The following TPRN variants were observed in gnomAD, a reference collection of about 807,000 sequenced individuals.
The protein encoded by TPRN is chromosome 9 open reading frame 75.
A neutral mutation model predicts 42.6 loss-of-function variants in TPRN; 32 were observed. The observed-to-expected ratio is 0.75, with a 90% CI of 0.57 to 1.01. The LOEUF (loss-of-function observed/expected upper bound fraction) is 1.01, where lower values mean the gene tolerates loss of function less well. TPRN is among the 50% of genes least tolerant of loss of function. The pLI is 0.00. For synonymous variants in TPRN, 541 were observed against 445.6 expected, an observed-to-expected ratio of 1.21 and a Z score of -2.70; for missense variants, 1,095 against 957.5, an observed-to-expected ratio of 1.14 and a Z score of -1.90.
Position 137,200,125 on chromosome 9 carries a change from A to C in TPRN, c.587T>G (p.Phe196Cys). The C allele has an allele frequency of 8.1e-7, 1 of 1,235,932 alleles. No individual in the cohort carries two copies. Among genetic ancestry groups the C allele is most frequent in the Non-Finnish European group, 1.0e-6 (1 of 992,188 alleles). 76.6% of individuals were successfully genotyped at this position (1,235,932 alleles called of 1,614,324 possible). Residue 196 changes from phenylalanine (F) to cysteine (C), a missense_variant, in exon 1 of 4, where the codon TTC becomes TGC. Coordinates refer to ENST00000409012, the MANE Select transcript of TPRN (RefSeq NM_001128228.3). This position sits in a 1 kb window ranked among gnomAD's most constrained non-coding sequence, Gnocchi z 4.3. ...GGAGTTGCTGCCGGTCTTCTGGAGG[A>C]AGTCGCTGCGCCGGGCCCCGGGGCT... ...GASPGARRSD[F>C]LQKTGSNSFT...
chr9:137,192,056 C>T lies in TPRN; in HGVS notation c.*56G>A. On this transcript the variant is annotated 3_prime_UTR_variant, in exon 4 of 4. Coordinates refer to ENST00000409012, the MANE Select transcript of TPRN (RefSeq NM_001128228.3). ...CGGGTGCAGTAGTCCCTGGCTACTG[C>T]CCAGCTTCCGGGACTCCCACAGCTG... The T allele has an allele frequency of 6.3e-7, 1 of 1,599,218 alleles. No individual in the cohort carries two copies. Among genetic ancestry groups the T allele is most frequent in the South Asian group, 1.1e-5 (1 of 90,904 alleles).
chr9:137,199,946 C>A lies in TPRN; in HGVS notation c.766G>T (p.Asp256Tyr). 6.7e-7 allele frequency: 1 copy of A among 1,485,752 alleles called. No individual in the cohort carries two copies. The highest frequency in any genetic ancestry group is 1.3e-5 in the South Asian group (1 of 75,382). 92.0% of individuals were successfully genotyped at this position (1,485,752 alleles called of 1,614,324 possible). A position where few individuals can be genotyped will look rare whatever the true frequency, so the allele number is the denominator to read the frequency against. The change falls in exon 1 of 4, where the codon GAT becomes TAT. Residue 256 changes from aspartate to tyrosine, a missense_variant. Physicochemically the swap from Asp to Tyr is radical, Grantham distance 160. Transcript: ENST00000409012. ...CTGGGGGGCGGGTGGAGGGAGGGATCCCCCGACTCCACCTTTGGCTTCCAC... is the reference window on the plus strand; with the variant it reads ...CTGGGGGGCGGGTGGAGGGAGGGATACCCCGACTCCACCTTTGGCTTCCAC... ...GQWKPKVESG[D>Y]PSLHPPPSPG... is the part of the protein sequence containing the mutation.
rs759505338 is a variant in TPRN at position 137,192,487 on chromosome 9, T to TCA, written c.1928_1929dup (p.Arg644Ter). On this transcript the variant is annotated frameshift_variant, in exon 2 of 4. Transcript: ENST00000409012. LOFTEE classifies it high-confidence loss of function. ...TCTGGCAGCCGAGAGCTCTCGGGTCTCACGCTGCTCACAAACGTGGCCCGG... is the reference window on the plus strand; with the variant it reads ...TCTGGCAGCCGAGAGCTCTCGGGTCTCACACGCTGCTCACAAACGTGGCCCGG... 4 of 1,605,734 alleles carry TCA rather than the reference T, an allele frequency of 2.5e-6. No homozygotes were observed. Among genetic ancestry groups the TCA allele is most frequent in the Non-Finnish European group, 3.4e-6 (4 of 1,176,482 alleles).
chr9:137,200,678 G>A lies in TPRN; in HGVS notation c.34C>T (p.Arg12Cys), dbSNP rs1455207823. The A allele has an allele frequency of 2.4e-6, 3 of 1,225,966 alleles. No individual in the cohort carries two copies. The highest frequency in any genetic ancestry group is 1.6e-5 in the African/African-American group (1 of 61,976). 75.9% of individuals were successfully genotyped at this position (1,225,966 alleles called of 1,614,324 possible). A position where few individuals can be genotyped will look rare whatever the true frequency, so the allele number is the denominator to read the frequency against. The change falls in exon 1 of 4, where the codon CGC becomes TGC. Residue 12 changes from arginine to cysteine, a missense_variant. Arg to Cys is a radical substitution (Grantham distance 180). Coordinates refer to ENST00000409012, the MANE Select transcript of TPRN (RefSeq NM_001128228.3). This position sits in a 1 kb window ranked among gnomAD's most constrained non-coding sequence, Gnocchi z 4.3. ...AALGRPGSGP[R>C]AAVPAWKREI... ...CGCTTCCAAGCGGGCACCGCAGCGC[G>A]CGGCCCCGAGCCCGGCCGCCCCAGG...
intron 1 of TPRN, among the ~76,000 whole-genome samples, chr9:137,196,665 C>T (rs1161582446): frequency 6.6e-6 from 1 of 152,224 alleles, no homozygotes; most frequent in Non-Finnish European, 1.5e-5. Flanking sequence ...GCACCTCGCA[C>T]CCCCACCAGT....
Position 137,200,309 on chromosome 9 carries a change from G to C in TPRN, c.403C>G (p.Arg135Gly). Residue 135 changes from arginine (R) to glycine (G), a missense_variant, in exon 1 of 4, where the codon CGC becomes GGC. Coordinates refer to ENST00000409012, the MANE Select transcript of TPRN (RefSeq NM_001128228.3). The surrounding 1 kb of genome is among the most constrained non-coding windows in gnomAD (Gnocchi z 4.3). ...VYGAPPGRVS[R>G]LLERFDPPAA... ...GGCGGGTCGAACCTCTCCAGTAGGC[G>C]GCTGACGCGGCCGGGCGGCGCCCCG... 1.0e-6 allele frequency: 1 copy of C among 999,794 alleles called. No individual in the cohort carries two copies. The allele number at this position is 999,794 out of a possible 1,614,324, so 61.9% of individuals were successfully genotyped here.
Position 137,192,551 on chromosome 9 carries a change from TC to T in TPRN, c.1865del (p.Gly622AspfsTer19), listed in dbSNP as rs1834640610. The T allele has an allele frequency of 6.2e-7, 1 of 1,609,856 alleles. No homozygotes were observed. Among genetic ancestry groups the T allele is most frequent in the Non-Finnish European group, 8.5e-7 (1 of 1,178,328 alleles). The part of the protein sequence containing the change: ...EEEEEEEEEE[G>X]SGSEEKPFAL... ...CAAAGGGCTTCTCCTCTGAGCCGGA[TC>T]CCTCTTCCTCCTCTTCCTCTTCCTC... On this transcript the variant is annotated frameshift_variant, in exon 2 of 4. Transcript: ENST00000409012. LOFTEE classifies it high-confidence loss of function.
Position 137,192,243 on chromosome 9 carries a change from C to T in TPRN, c.2073+16G>A. 1.2e-6 allele frequency: 2 copies of T among 1,613,180 alleles called. No homozygotes were observed. The highest frequency in any genetic ancestry group is 1.7e-6 in the Non-Finnish European group (2 of 1,179,998). On this transcript the variant is annotated intron_variant, in intron 3 of 3. Coordinates refer to ENST00000409012, the MANE Select transcript of TPRN (RefSeq NM_001128228.3). ...GTGTCAGACTCCCCCCAGCGCTCCA[C>T]TCCCCCGCATCTCACCATGGCCTCC...
intron 1 of TPRN, 58 bp downstream of exon 1, chr9:137,198,929 A>G: frequency 6.2e-7 from 1 of 1,609,342 alleles, no homozygotes; most frequent in South Asian, 1.1e-5. Flanking sequence ...CTGCCCCCAC[A>G]GTTCTGTGAG....
intron 1 of TPRN, among the ~76,000 whole-genome samples, chr9:137,197,438 C>G (rs1246492916): frequency 6.6e-6 from 1 of 152,178 alleles, no homozygotes; most frequent in Admixed American, 6.5e-5. Flanking sequence ...TGGCCAGACT[C>G]TAGGCAGTGG....
At position 137,199,596 on chromosome 9, in the gene TPRN, C is replaced by A. The variant is rs1834765593; in HGVS notation, c.1116G>T (p.Val372=). ...GGGCAGGCGCACCATCCCCTCCAGG[C>A]ACCGGCTGGGATCCGAGCTCCTGGC... ...SPSQELGSQP[V]PGGDGAPALG... is the part of the protein sequence containing the mutation. The change falls in exon 1 of 4, where the codon GTG becomes GTT. Residue 372 remains valine, a synonymous_variant. Transcript: ENST00000409012. 2.6e-6 allele frequency: 4 copies of A among 1,556,224 alleles called. No individual in the cohort carries two copies. The highest frequency in any genetic ancestry group is 1.9e-5 in the Admixed American group (1 of 51,662).
chr9:137,192,308 G>C lies in TPRN; in HGVS notation c.2024C>G (p.Ala675Gly), dbSNP rs746314611. The change falls in exon 3 of 4, where the codon GCG becomes GGG. Residue 675 changes from alanine (A) to glycine (G), a missense_variant. Physicochemically the swap from Ala to Gly is moderately conservative, Grantham distance 60. Coordinates refer to ENST00000409012, the MANE Select transcript of TPRN (RefSeq NM_001128228.3). ...SVAFSKWQEQ[A>G]LEQAPREAEP... is the part of the protein sequence containing the mutation. The stretch of plus-strand genomic sequence containing the variant: ...TGCCTCCCTCGGGGCCTGCTCCAGC[G>C]CCTGCTCCTGCCACTTGCTGAAGGC... The C allele has an allele frequency of 6.2e-7, 1 of 1,612,946 alleles. No individual in the cohort carries two copies. The highest frequency in any genetic ancestry group is 8.5e-7 in the Non-Finnish European group (1 of 1,180,014).
rs1588776793 is a variant in TPRN, at chr9:137,200,030, G to A, written c.682C>T (p.Pro228Ser). The part of the protein sequence containing the change: ...ARLLSNGHSA[P>S]EPRAGPANRL... ...TTGGCAGGGCCGGCCCGGGGCTCAG[G>A]GGCCGAGTGCCCGTTGGAGAGCAGG... The change falls in exon 1 of 4, where the codon CCT becomes TCT. Residue 228 changes from proline (P) to serine (S), a missense_variant. Coordinates refer to ENST00000409012, the MANE Select transcript of TPRN (RefSeq NM_001128228.3). The surrounding 1 kb of genome is among the most constrained non-coding windows in gnomAD (Gnocchi z 4.3). 1.4e-6 allele frequency: 2 copies of A among 1,441,904 alleles called. No individual in the cohort carries two copies. The highest frequency in any genetic ancestry group is 5.0e-5 in the East Asian group (2 of 39,966). The allele number at this position is 1,441,904 out of a possible 1,614,324, so 89.3% of individuals were successfully genotyped here. A position where few individuals can be genotyped will look rare whatever the true frequency, so the allele number is the denominator to read the frequency against.
At chr9:137,192,789 T>C (rs1588772115) in intron 1 of TPRN, 98 bp from the exon 2 acceptor site, 3 of 1,358,908 alleles carry the variant, frequency 2.2e-6, no homozygotes, top group Non-Finnish European at 3.1e-6. Context: ...CTGACCCAAG[T>C]GGGGCGCCAG....
At chr9:137,196,722 C>T (rs747386920) in intron 1 of TPRN, among the ~76,000 whole-genome samples, 32 of 152,238 alleles carry the variant, frequency 2.1e-4, no homozygotes, top group Non-Finnish European at 4.6e-4. Context: ...ACAGCCCTGC[C>T]CCACAGCCCA....
chr9:137,192,924 C>T (rs930307438), intron 1 of TPRN: 14 of 578,780 alleles, frequency 2.4e-5, no homozygotes, highest in Non-Finnish European at 3.7e-5. Context: ...AGGGACCAAA[C>T]GCTGACCAGG....
chr9:137,199,629 G>A lies in TPRN; in HGVS notation c.1083C>T (p.Ala361=). ...GGGATCCGAGCTCCTGGCTCGGGGA[G>A]GCCGGGCCCAGGTCTCCCTTTGGCA... ...VELPKGDLGP[A]SPSQELGSQP... Residue 361 remains alanine (A), a synonymous_variant, in exon 1 of 4, where the codon GCC becomes GCT. Coordinates refer to ENST00000409012, the MANE Select transcript of TPRN (RefSeq NM_001128228.3). 1 of 1,563,590 alleles carries A rather than the reference G, an allele frequency of 6.4e-7. No individual in the cohort carries two copies. Among genetic ancestry groups the A allele is most frequent in the Non-Finnish European group, 8.7e-7 (1 of 1,154,616 alleles).
In TPRN at chr9:137,192,353, T is replaced by C; in HGVS notation, c.1979A>G (p.Tyr660Cys). 1.2e-6 allele frequency: 2 copies of C among 1,612,960 alleles called. No individual in the cohort carries two copies. Among genetic ancestry groups the C allele is most frequent in the Non-Finnish European group, 1.7e-6 (2 of 1,180,008 alleles). Residue 660 changes from tyrosine (Y) to cysteine (C), a missense_variant, in exon 3 of 4, where the codon TAC (tyrosine) becomes TGC (cysteine). Transcript: ENST00000409012. ...GAAGGCCACAGAGTGCTTCGGGGTG[T>C]AGCTGGACAGGCCTGTGAATGGAGG... ...LPEGSSGLSS[Y>C]TPKHSVAFSK...
At position 137,200,456 on chromosome 9, in the gene TPRN, C is replaced by T; in HGVS notation, c.256G>A (p.Val86Met). Residue 86 changes from valine (V) to methionine (M), a missense_variant, in exon 1 of 4, where the codon GTG (valine) becomes ATG (methionine). By Grantham distance (21) the Val-to-Met change is conservative (BLOSUM62 1). Transcript: ENST00000409012. The surrounding 1 kb of genome is among the most constrained non-coding windows in gnomAD (Gnocchi z 4.3). Reference protein sequence around the residue: ...GARLLERYRRVPGVRALRADS... With the variant: ...GARLLERYRRMPGVRALRADS... ...GCGCGGAGGGCGCGCACGCCAGGCA[C>T]GCGGCGGTACCGCTCCAGCAGCCGC... 9.1e-7 allele frequency: 1 copy of T among 1,099,618 alleles called. No homozygotes were observed. The highest frequency in any genetic ancestry group is 1.1e-6 in the Non-Finnish European group (1 of 906,482). The allele number at this position is 1,099,618 out of a possible 1,614,324, so 68.1% of individuals were successfully genotyped here. A position where few individuals can be genotyped will look rare whatever the true frequency, so the allele number is the denominator to read the frequency against.
Sources: allele counts gnomAD v4.1 joint callset (sites outside exome capture counted in the v4.1 genomes callset), GRCh38; gene constraint gnomAD v4.1.1; non-coding constraint Gnocchi (gnomAD v3.1); transcripts MANE v1.5; gene names NCBI Gene and HGNC (gene_info 2026-07-23, HGNC 2026-07-21).